The following POLR1A variants were observed in gnomAD, a reference collection of about 807,000 sequenced individuals.
POLR1A encodes DNA-directed RNA polymerase I subunit RPA1.
POLR1A carries 84 observed loss-of-function variants against 205.3 expected under a neutral mutation model. The observed-to-expected ratio is 0.41, with a 90% CI of 0.34 to 0.49. The LOEUF (loss-of-function observed/expected upper bound fraction) is 0.49. POLR1A is among the 20% of genes least tolerant of loss of function. The pLI, the probability that POLR1A is intolerant of heterozygous loss-of-function variation, is 0.22. For missense variants in POLR1A, 1,645 were observed against 2,204.5 expected (o/e 0.75, Z 5.08); for synonymous variants, 799 against 863.7 (o/e 0.93, Z 1.31).
intron 14 of POLR1A, among the ~76,000 whole-genome samples, chr2:86,056,137 A>T (rs1315944389): frequency 1.3e-5 from 2 of 152,150 alleles, no homozygotes; most frequent in African/African-American, 4.8e-5. Context: ...ATTAGCAATG[A>T]ACAATCTGAA....
chr2:86,065,694 T>C (rs1673074005), intron 13 of POLR1A: 2 of 520,610 alleles, frequency 3.8e-6, no homozygotes. Flanking sequence ...CACTATCCTA[T>C]ATCAAGACTG....
At chr2:86,050,099 G>C (rs1392181016) in intron 16 of POLR1A, among the ~76,000 whole-genome samples, 2 of 152,014 alleles carry the variant, frequency 1.3e-5, no homozygotes, top group East Asian at 3.9e-4. Context: ...TGTATTTTTA[G>C]TACAGACAGG....
In POLR1A at chr2:86,029,637, C is replaced by T. The variant is rs372406003; in HGVS notation, c.4779+559G>A. Among the ~76,000 whole-genome samples the T allele has an allele frequency of 6.0e-5, 9 of 150,444 alleles. No homozygotes were observed. In the East Asian group the frequency reaches 1.4e-3, roughly 23 times the overall value. Reference sequence around the variant, plus strand: ...TTTGAGATGGAGTCTCACTCTGTCCCCCAGGCTGGAGTGCAGCGGCGCAAT... The same window carrying T: ...TTTGAGATGGAGTCTCACTCTGTCCTCCAGGCTGGAGTGCAGCGGCGCAAT... On this transcript the variant is annotated intron_variant, in intron 31 of 33. Transcript: ENST00000263857.
Position 86,082,457 on chromosome 2 carries a change from T to C in POLR1A, c.817+625A>G, listed in dbSNP as rs187722259. ...TGTGGATCAAAGCTTTATTTCAGGT[T>C]TCTGGTTACTTTAAAAAATGCCTAG... is the stretch of plus-strand genomic sequence containing the variant. On this transcript the variant is annotated intron_variant, in intron 7 of 33. Transcript: ENST00000263857. Among the ~76,000 whole-genome samples the C allele has an allele frequency of 2.0e-5, 3 of 152,196 alleles. No individual in the cohort carries two copies. In the East Asian group the frequency reaches 5.8e-4, roughly 29 times the overall value.
chr2:86,081,804 G>C, intron 7 of POLR1A, 98 bp from the exon 8 acceptor site: 1 of 711,136 alleles, frequency 1.4e-6, no homozygotes, highest in East Asian at 2.6e-5. Flanking sequence ...GGAAAAAACA[G>C]AATACAAGAT....
intron 3 of POLR1A, 99 bp from the exon 4 acceptor site, chr2:86,090,028 T>C (rs1673573865): frequency 1.2e-5 from 8 of 669,106 alleles, no homozygotes; most frequent in Non-Finnish European, 1.9e-5. Flanking sequence ...AAAGATTCAT[T>C]TGAAGGGAGA....
At position 86,023,681 on chromosome 2, in the gene POLR1A, T is replaced by C. The variant is rs1690200571; in HGVS notation, c.*3742A>G. 6.6e-6 allele frequency: 1 copy of C among 151,858 alleles called. No individual in the cohort carries two copies. The highest frequency in any genetic ancestry group is 1.5e-5 in the Non-Finnish European group (1 of 67,998). 9.4% of individuals were successfully genotyped at this position (151,858 alleles called of 1,614,324 possible). A position where few individuals can be genotyped will look rare whatever the true frequency, so the allele number is the denominator to read the frequency against. On this transcript the variant is annotated 3_prime_UTR_variant, in exon 34 of 34. Transcript: ENST00000263857. ...TGGGACAGCAGTTCCCCCAGAAAAA[T>C]TAAAGAATTACCATATGATCCAGCA...
chr2:86,030,715 G>A (rs188286008), intron 30 of POLR1A, among the ~76,000 whole-genome samples: 33 of 152,320 alleles, frequency 2.2e-4, no homozygotes, highest in Admixed American at 1.5e-3. Context: ...TGTTTCACGC[G>A]TGCAATCCCA....
intron 14 of POLR1A, among the ~76,000 whole-genome samples, chr2:86,056,401 G>A (rs894539179): frequency 1.1e-4 from 17 of 151,552 alleles, no homozygotes; most frequent in African/African-American, 3.4e-4. Flanking sequence ...GCAGTGAGCC[G>A]AGATTGCGCC....
At chr2:86,081,510 GC>G (rs1673400943) in intron 8 of POLR1A, 90 bp downstream of exon 8, 1 of 737,442 alleles carries the variant, frequency 1.4e-6, no homozygotes, top group East Asian at 2.6e-5. Flanking sequence ...GTCTCTCAGT[GC>G]CCTTGGCCCT....
At chr2:86,100,337 G>C (rs1236315223) in intron 1 of POLR1A, among the ~76,000 whole-genome samples, 165 bp from the exon 2 acceptor site, 1 of 152,186 alleles carries the variant, frequency 6.6e-6, no homozygotes, top group Non-Finnish European at 1.5e-5. Context: ...TAAGTGCAGA[G>C]TTGGTACCCA....
chr2:86,080,924 C>T lies in POLR1A; in HGVS notation c.978G>A (p.Val326=), dbSNP rs200512758. 53 of 1,614,110 alleles carry T rather than the reference C, an allele frequency of 3.3e-5. No individual in the cohort carries two copies. The East Asian group carries it at 1.1e-3, about 34-fold the overall frequency. ...GDQMFTNGQT[V]NLQAVMKDVV... Reference sequence around the variant, plus strand: ...CATCCTTCATGACAGCCTGCAAGTTCACCGTCTGGCCATTAGTAAACATCT... The same window carrying T: ...CATCCTTCATGACAGCCTGCAAGTTTACCGTCTGGCCATTAGTAAACATCT... The change falls in exon 9 of 34, where the codon GTG becomes GTA. Residue 326 remains valine, a synonymous_variant. Transcript: ENST00000263857.
chr2:86,086,567 T>C (rs1673508013), intron 6 of POLR1A, among the ~76,000 whole-genome samples: 1 of 152,238 alleles, frequency 6.6e-6, no homozygotes, highest in Non-Finnish European at 1.5e-5. Context: ...ATCACAAACA[T>C]GGTCCTTGGC....
At chr2:86,101,999 T>C (rs1673830228) in intron 1 of POLR1A, among the ~76,000 whole-genome samples, 1 of 152,204 alleles carries the variant, frequency 6.6e-6, no homozygotes, top group African/African-American at 2.4e-5. Context: ...AATATCCCAT[T>C]GCATGTATAT....
chr2:86,076,716 C>T (rs150893465), intron 11 of POLR1A, among the ~76,000 whole-genome samples: 20 of 152,310 alleles, frequency 1.3e-4, no homozygotes, highest in African/African-American at 4.3e-4. Context: ...AGAAAGAGAA[C>T]CCAGCACCTA....
chr2:86,103,599 T>G (rs1474968612), intron 1 of POLR1A, among the ~76,000 whole-genome samples: 8 of 152,242 alleles, frequency 5.3e-5, no homozygotes, highest in African/African-American at 9.6e-5. Flanking sequence ...TATCCACTTA[T>G]GGCAGTGATG....
At chr2:86,039,767 G>A (rs563213453) in intron 25 of POLR1A, among the ~76,000 whole-genome samples, 4 of 152,340 alleles carry the variant, frequency 2.6e-5, no homozygotes, top group South Asian at 4.1e-4. Flanking sequence ...ATGAACAAGC[G>A]ATGCAGGGAA....
rs1673554695 is a variant in POLR1A, at chr2:86,088,967, C to T, written c.541-97G>A. 16 of 809,326 alleles carry T rather than the reference C, an allele frequency of 2.0e-5. No homozygotes were observed. The South Asian group carries it at 2.2e-4, about 11-fold the overall frequency. 50.1% of individuals were successfully genotyped at this position (809,326 alleles called of 1,614,324 possible). On this transcript the variant is annotated intron_variant, in intron 4 of 33. Coordinates refer to ENST00000263857, the MANE Select transcript of POLR1A (RefSeq NM_015425.6). ...GTTTTCACCTTTTATTTTTAACCAGCGGAAACACCCCCACCACCACTTTCT... is the reference window on the plus strand; with the variant it reads ...GTTTTCACCTTTTATTTTTAACCAGTGGAAACACCCCCACCACCACTTTCT...
chr2:86,078,145 A>G lies in POLR1A; in HGVS notation c.1226T>C (p.Leu409Pro), dbSNP rs1257212696. 6.2e-7 allele frequency: 1 copy of G among 1,612,932 alleles called. No individual in the cohort carries two copies. Among genetic ancestry groups the G allele is most frequent in the Admixed American group, 1.7e-5 (1 of 59,688 alleles). Residue 409 changes from leucine to proline, a missense_variant, in exon 10 of 34, where the codon CTA becomes CCA. By Grantham distance (98) the Leu-to-Pro change is moderately conservative. Around this residue, in one of 16 missense-constraint regions of POLR1A, gnomAD observed 131 missense variants for 214.5 expected, o/e 0.61. Coordinates refer to ENST00000263857, the MANE Select transcript of POLR1A (RefSeq NM_015425.6). ...NIVFDSEMDK[L>P]MMDKYPGIRQ... ...AATGCCTGGGTACTTGTCCATCATTAGTTTGTCCATCTCGCTATCAAACAC... is the reference window on the plus strand; with the variant it reads ...AATGCCTGGGTACTTGTCCATCATTGGTTTGTCCATCTCGCTATCAAACAC...
Sources: gnomAD v4.1 joint callset for allele counts (sites outside exome capture counted in the v4.1 genomes callset) on GRCh38, gnomAD v4.1.1 for gene constraint, gnomAD v4.1.1 regional missense constraint, MANE v1.5 for transcripts, NCBI Gene and HGNC (gene_info 2026-07-23, HGNC 2026-07-21) for gene names.